Variants in MTCH2 observed in about 807,000 individuals in gnomAD.
The protein encoded by MTCH2 is mitochondrial carrier 2, also known as mitochondrial carrier homolog 2.
A neutral mutation model predicts 50.6 loss-of-function variants in MTCH2; 25 were observed. The ratio of observed to expected loss-of-function variants is 0.49; its 90% CI spans 0.36 to 0.69. The LOEUF is 0.69. MTCH2 is among the 30% of genes least tolerant of loss of function. The pLI, the probability that MTCH2 is intolerant of heterozygous loss-of-function variation, is 0.00. For missense variants in MTCH2, 273 were observed against 384.4 expected, an observed-to-expected ratio of 0.71 and a Z score of 2.42; for synonymous variants, 106 against 132.0, an observed-to-expected ratio of 0.80 and a Z score of 1.35.
intron 5 of MTCH2, among the ~76,000 whole-genome samples, chr11:47,633,516 ATATATATATATTTTTT>A (rs2097305292): frequency 1.1e-4 from 2 of 17,764 alleles, no homozygotes; most frequent in East Asian, 1.7e-3. Context: ...ATATATATAT[ATATATATATATTTTTT>A]TTTTTTTTTT....
At chr11:47,640,195 G>A (rs2097312750) in intron 1 of MTCH2, among the ~76,000 whole-genome samples, 2 of 152,010 alleles carry the variant, frequency 1.3e-5, no homozygotes, top group South Asian at 4.2e-4. Flanking sequence ...CAGGTGTGGT[G>A]GCGGACACCT....
At position 47,620,387 on chromosome 11, in the gene MTCH2, TGAGCCAGAGACCTCAGCCAG is replaced by T. The variant is rs554398351; in HGVS notation, c.826-1488_826-1469del. Among the ~76,000 whole-genome samples, 47 of 152,128 alleles carry T rather than the reference TGAGCCAGAGACCTCAGCCAG, an allele frequency of 3.1e-4. No homozygotes were observed. In the East Asian group the frequency reaches 4.1e-3, roughly 13 times the overall value. ...GGGATGCTGAGGTGGGACGATCACT[TGAGCCAGAGACCTCAGCCAG>T]GAGGCAGAGGTTGCAGTGAGCCAAT... On this transcript the variant is annotated intron_variant, in intron 12 of 12. Coordinates refer to ENST00000302503, the MANE Select transcript of MTCH2 (RefSeq NM_014342.4).
intron 1 of MTCH2, among the ~76,000 whole-genome samples, chr11:47,641,747 G>C (rs1436121448): frequency 6.6e-6 from 1 of 152,148 alleles, no homozygotes; most frequent in Non-Finnish European, 1.5e-5. Context: ...ATTGTCAGGA[G>C]CCACATGGGC....
intron 1 of MTCH2, among the ~76,000 whole-genome samples, chr11:47,642,143 T>C (rs1179414869): frequency 6.6e-6 from 1 of 152,012 alleles, no homozygotes. Context: ...GGGTGGCGGT[T>C]GGCTAAGGGA....
rs188960037 is a variant in MTCH2, at chr11:47,630,287, G to A, written c.539+268C>T. Among the ~76,000 whole-genome samples, 999 of 152,248 alleles carry A rather than the reference G, an allele frequency of 6.6e-3. 12 individuals carry two copies. Among genetic ancestry groups the A allele is most frequent in the African/African-American group, 0.023 (955 of 41,538 alleles). ...CTCTCAAAGTGCTGGGATTACAGGC[G>A]TGAGCCACCACGCCCGGCCTCAAAT... On this transcript the variant is annotated intron_variant, in intron 8 of 12. Coordinates refer to ENST00000302503, the MANE Select transcript of MTCH2 (RefSeq NM_014342.4).
chr11:47,630,982 T>C, intron 7 of MTCH2, 54 bp downstream of exon 7: 1 of 1,357,270 alleles, frequency 7.4e-7, no homozygotes, highest in Non-Finnish European at 1.1e-6. Flanking sequence ...AGTATTATTC[T>C]AGTACTTTGG....
At chr11:47,611,075 C>T in the MTCH2 span, among the ~76,000 whole-genome samples, 1 of 152,188 alleles carries the variant, frequency 6.6e-6, no homozygotes. Context: ...TTCACTTAAT[C>T]CTCCAATACT....
intron 3 of MTCH2, among the ~76,000 whole-genome samples, 179 bp from the exon 4 acceptor site, chr11:47,635,750 G>A (rs1344436931): frequency 1.3e-5 from 2 of 151,584 alleles, no homozygotes; most frequent in Non-Finnish European, 2.9e-5. Flanking sequence ...CTGGAAATAT[G>A]GATCTCCAAG....
At chr11:47,611,343 C>G in the MTCH2 span, among the ~76,000 whole-genome samples, 2 of 152,232 alleles carry the variant, frequency 1.3e-5, no homozygotes, top group South Asian at 2.1e-4. Flanking sequence ...TCTTCACCCT[C>G]TGTCTTTTTT....
At chr11:47,639,180 C>T in intron 1 of MTCH2, 129 bp from the exon 2 acceptor site, 3 of 767,364 alleles carry the variant, frequency 3.9e-6, no homozygotes, top group Non-Finnish European at 6.2e-6. Flanking sequence ...ATAGGTTTTC[C>T]AAGGCAATGA....
intron 1 of MTCH2, among the ~76,000 whole-genome samples, chr11:47,640,207 T>C (rs966444683): frequency 2.0e-5 from 3 of 151,664 alleles, no homozygotes; most frequent in African/African-American, 7.3e-5. Flanking sequence ...CGGACACCTG[T>C]AATCCCAGCT....
chr11:47,628,687 G>C (rs1179774802), intron 9 of MTCH2, among the ~76,000 whole-genome samples: 2 of 152,090 alleles, frequency 1.3e-5, no homozygotes, highest in Non-Finnish European at 2.9e-5. Context: ...CAATTCCCCT[G>C]CCTCAGCCTC....
At chr11:47,625,578 T>C (rs1401670874) in intron 11 of MTCH2, 96 bp downstream of exon 11, 7 of 842,290 alleles carry the variant, frequency 8.3e-6, no homozygotes, top group Non-Finnish European at 1.3e-5. Context: ...CAGAGATTGA[T>C]ACTGATCATT....
At chr11:47,604,715 T>C in the MTCH2 span, among the ~76,000 whole-genome samples, 1 of 152,162 alleles carries the variant, frequency 6.6e-6, no homozygotes, top group East Asian at 1.9e-4. Context: ...TACAAAAGAA[T>C]GAGGAATCAT....
chr11:47,642,169 G>A (rs528436789), intron 1 of MTCH2, among the ~76,000 whole-genome samples: 1 of 152,270 alleles, frequency 6.6e-6, no homozygotes, highest in Non-Finnish European at 1.5e-5. Flanking sequence ...GGGCCTCAAC[G>A]CTGGGCGGCG....
At chr11:47,627,021 G>T in intron 10 of MTCH2, 59 bp downstream of exon 10, 3 of 1,342,258 alleles carry the variant, frequency 2.2e-6, no homozygotes, top group Admixed American at 2.1e-5. Context: ...AGATTTAAAA[G>T]GAAAACAAAA....
chr11:47,630,839 T>G (rs2097302345), intron 7 of MTCH2, among the ~76,000 whole-genome samples, 197 bp downstream of exon 7: 1 of 152,208 alleles, frequency 6.6e-6, no homozygotes, highest in African/African-American at 2.4e-5. Flanking sequence ...TGCAACTTAC[T>G]CTGAAATCCT....
chr11:47,620,380 G>A (rs993525520), intron 12 of MTCH2, among the ~76,000 whole-genome samples: 4 of 152,158 alleles, frequency 2.6e-5, no homozygotes, highest in Middle Eastern at 3.4e-3. Context: ...GAGGTGGGAC[G>A]ATCACTTGAG....
At chr11:47,605,088 G>A in the MTCH2 span, among the ~76,000 whole-genome samples, 1 of 151,978 alleles carries the variant, frequency 6.6e-6, no homozygotes, top group Non-Finnish European at 1.5e-5. Context: ...CTGCCACCAC[G>A]CCTGGCTAAT....
Sources: allele counts gnomAD v4.1 joint callset (sites outside exome capture counted in the v4.1 genomes callset), GRCh38; gene constraint gnomAD v4.1.1; transcripts MANE v1.5; gene names NCBI Gene and HGNC (gene_info 2026-07-23, HGNC 2026-07-21).